The following SPATA6L variants were observed in gnomAD, a reference collection of about 807,000 sequenced individuals.
SPATA6L encodes the protein spermatogenesis associated 6 like.
SPATA6L carries 68 observed loss-of-function variants against 49.2 expected under a neutral mutation model. That is an observed-to-expected ratio of 1.38 (90% CI 1.14 to 1.69). The LOEUF is 1.69. Ranked by LOEUF, SPATA6L falls within the 40% of genes most tolerant of loss-of-function variation. The pLI, the probability that SPATA6L is intolerant of heterozygous loss-of-function variation, is 0.00. For missense variants in SPATA6L, 668 were observed against 464.3 expected, an observed-to-expected ratio of 1.44 and a Z score of -4.03; for synonymous variants, 198 against 165.7, an observed-to-expected ratio of 1.19 and a Z score of -1.50.
chr9:4,664,077 G>A (rs1840479135), intron 1 of SPATA6L: 1 of 167,108 alleles, frequency 6.0e-6, no homozygotes, highest in South Asian at 2.1e-4. Flanking sequence ...AATGGGACAT[G>A]GCCCCATGCT....
rs775626667 is a variant in SPATA6L at position 4,629,093 on chromosome 9, G to T, written c.427C>A (p.Leu143Ile). ...ECVFLHRNRFLEERHESRRPL... is the reference protein window; with the variant it reads ...ECVFLHRNRFIEERHESRRPL... The stretch of plus-strand genomic sequence containing the variant: ...CACTAGATTTGTATTGTACTTACAA[G>T]AAATCTGTTTCTATGCAGAAACACA... The change falls in exon 5 of 12, where the codon CTT (leucine) becomes ATT (isoleucine). Residue 143 changes from leucine (L) to isoleucine (I), a missense_variant and splice_region_variant. Physicochemically the swap from Leu to Ile is conservative, Grantham distance 5 (BLOSUM62 2). Coordinates refer to ENST00000682582, the MANE Select transcript of SPATA6L (RefSeq NM_001353486.2). 2.5e-6 allele frequency: 4 copies of T among 1,600,838 alleles called. No individual in the cohort carries two copies. The African/African-American group carries it at 5.4e-5, about 22-fold the overall frequency.
intron 2 of SPATA6L, among the ~76,000 whole-genome samples, chr9:4,656,931 G>C (rs762854977): frequency 7.6e-6 from 1 of 132,156 alleles, no homozygotes; most frequent in Non-Finnish European, 1.5e-5. Flanking sequence ...CTAAGTACTA[G>C]CAACTAGCAG....
intron 3 of SPATA6L, among the ~76,000 whole-genome samples, chr9:4,654,547 C>G (rs941084643): frequency 6.6e-6 from 1 of 152,192 alleles, no homozygotes; most frequent in Non-Finnish European, 1.5e-5. Context: ...TCTGTACCCC[C>G]GGGTTTCTTG....
At chr9:4,644,063 T>C (rs1284522383) in intron 3 of SPATA6L, among the ~76,000 whole-genome samples, 1 of 151,426 alleles carries the variant, frequency 6.6e-6, no homozygotes, top group Non-Finnish European at 1.5e-5. Context: ...AATGACAACA[T>C]AGGCAAGGCA....
intron 11 of SPATA6L, among the ~76,000 whole-genome samples, chr9:4,602,625 G>C (rs910353764): frequency 6.6e-6 from 1 of 151,960 alleles, no homozygotes; most frequent in African/African-American, 2.4e-5. Context: ...GACTATACAG[G>C]ACAAAGCTAT....
intron 13 of SPATA6L, among the ~76,000 whole-genome samples, chr9:4,591,710 A>C (rs1487963341): frequency 6.6e-6 from 1 of 152,250 alleles, no homozygotes; most frequent in Admixed American, 6.5e-5. Flanking sequence ...AGAAAGGGCC[A>C]GTTAAATTAG....
chr9:4,644,658 T>TTC (rs375004235), intron 3 of SPATA6L, among the ~76,000 whole-genome samples: 2,561 of 142,698 alleles, frequency 0.018, 40 homozygotes, highest in African/African-American at 0.05. Flanking sequence ...GTTTTCAGTA[T>TTC]TCTCTCTCTC....
At chr9:4,660,496 A>T (rs1042761364) in intron 2 of SPATA6L, among the ~76,000 whole-genome samples, 2 of 152,224 alleles carry the variant, frequency 1.3e-5, no homozygotes, top group Non-Finnish European at 2.9e-5. Flanking sequence ...CATCTCACAC[A>T]GTTAGAATGG....
intron 3 of SPATA6L, among the ~76,000 whole-genome samples, chr9:4,648,691 C>A (rs1836053283): frequency 1.5e-5 from 1 of 65,102 alleles, no homozygotes; most frequent in Admixed American, 1.6e-4. Context: ...CAGAGCGAGA[C>A]CCCGTCTCGA....
At chr9:4,600,842 G>A (rs570935774) in intron 11 of SPATA6L, 33 bp from the exon 12 acceptor site, 1 of 152,074 alleles carries the variant, frequency 6.6e-6, no homozygotes, top group Non-Finnish European at 1.5e-5. Flanking sequence ...TTCTACATGT[G>A]GTATTGAGAA....
At chr9:4,638,139 T>C (rs61106849) in intron 3 of SPATA6L, among the ~76,000 whole-genome samples, 7,981 of 152,056 alleles carry the variant, frequency 0.052, 309 homozygotes, top group Middle Eastern at 0.088. Flanking sequence ...TTAATTTCCA[T>C]AAGAGTAAAT....
At position 4,600,483 on chromosome 9, in the gene SPATA6L, C is replaced by CAGAGAGAGAGAGAGAGAG. The variant is rs369628564; in HGVS notation, c.*327_*328insCTCTCTCTCTCTCTCTCT. ...TTTGAGAGAGAGAGACAGAGAGAGCCAGAGAGAGCCAGAGAGAGAGAGAGG... is the reference window on the plus strand; with the variant it reads ...TTTGAGAGAGAGAGACAGAGAGAGCCAGAGAGAGAGAGAGAGAGAGAGAGAGCCAGAGAGAGAGAGAGG... On this transcript the variant is annotated 3_prime_UTR_variant, in exon 12 of 12. Transcript: ENST00000682582. 5.1e-5 allele frequency: 1 copy of CAGAGAGAGAGAGAGAGAG among 19,440 alleles called. No individual in the cohort carries two copies. Among genetic ancestry groups the CAGAGAGAGAGAGAGAGAG allele is most frequent in the African/African-American group, 1.7e-4 (1 of 5,868 alleles). 1.2% of individuals were successfully genotyped at this position (19,440 alleles called of 1,614,324 possible).
intron 9 of SPATA6L, among the ~76,000 whole-genome samples, chr9:4,610,535 A>G (rs1463002902): frequency 6.9e-6 from 1 of 144,250 alleles, no homozygotes; most frequent in Non-Finnish European, 1.5e-5. Context: ...TGAGAAAAAC[A>G]AGCAATGGGG....
intron 7 of SPATA6L, among the ~76,000 whole-genome samples, chr9:4,622,099 A>C (rs1440305236): frequency 6.6e-6 from 1 of 152,204 alleles, no homozygotes; most frequent in African/African-American, 2.4e-5. Context: ...TGACTTTGCA[A>C]GGGGTTCACA....
chr9:4,625,680 C>T (rs1830216170), intron 5 of SPATA6L, 114 bp from the exon 6 acceptor site: 4 of 655,638 alleles, frequency 6.1e-6, no homozygotes, highest in South Asian at 7.4e-5. Context: ...AAAGATAACA[C>T]ACCTCAGATT....
chr9:4,600,697 AGACATCAGT>A lies in SPATA6L; in HGVS notation c.*105_*113del, dbSNP rs1408000759. ...TACAGGGTTTGGTTTAAAGGGGATT[AGACATCAGT>A]GACTCAACACAGACAACAAAAAGTG... On this transcript the variant is annotated 3_prime_UTR_variant, in exon 12 of 12. Coordinates refer to ENST00000682582, the MANE Select transcript of SPATA6L (RefSeq NM_001353486.2). 1 of 152,246 alleles carries A rather than the reference AGACATCAGT, an allele frequency of 6.6e-6. No homozygotes were observed. The highest frequency in any genetic ancestry group is 2.4e-5 in the African/African-American group (1 of 41,472). The allele number at this position is 152,246 out of a possible 1,614,324, so 9.4% of individuals were successfully genotyped here.
At chr9:4,648,069 A>G (rs914903593) in intron 3 of SPATA6L, among the ~76,000 whole-genome samples, 1 of 152,178 alleles carries the variant, frequency 6.6e-6, no homozygotes, top group East Asian at 1.9e-4. Flanking sequence ...TCTTGACCTC[A>G]GGTGATTTGC....
At chr9:4,595,308 GT>G (rs1822172200), downstream of SPATA6L, among the ~76,000 whole-genome samples, 1 of 152,212 alleles carries the variant, frequency 6.6e-6, no homozygotes, top group African/African-American at 2.4e-5. Context: ...CAGCCCTGAT[GT>G]CTAATCAGCC....
rs10974642 is a variant in SPATA6L, at chr9:4,600,273, C to T, written c.*538G>A. 0.69 allele frequency among the ~76,000 whole-genome samples: 104,346 copies of T among 151,770 alleles called. 36,543 individuals carry two copies. Among genetic ancestry groups the T allele is most frequent in the Middle Eastern group, 0.81 (237 of 294 alleles). ...TAAAACAAGATCTGAACTACCCAGA[C>T]GTAATGCTCTCTTTTCCAAGGTTTT... On this transcript the variant is annotated 3_prime_UTR_variant, in exon 12 of 12. Transcript: ENST00000682582.
Sources: gnomAD v4.1 joint callset for allele counts (sites outside exome capture counted in the v4.1 genomes callset) on GRCh38, gnomAD v4.1.1 for gene constraint, MANE v1.5 for transcripts, NCBI Gene and HGNC (gene_info 2026-07-23, HGNC 2026-07-21) for gene names.